Variants in ESYT1 observed in about 807,000 individuals in gnomAD.
ESYT1 encodes the protein extended synaptotagmin-1.
Under a neutral mutation model 154.2 loss-of-function variants are expected in ESYT1, and 116 were observed. The ratio of observed to expected loss-of-function variants is 0.75; its 90% confidence interval spans 0.65 to 0.88. The LOEUF (loss-of-function observed/expected upper bound fraction) is 0.88. ESYT1 is among the 40% of genes least tolerant of loss of function. The pLI, the probability that ESYT1 is intolerant of heterozygous loss-of-function variation, is 0.00. For missense variants in ESYT1, 1,264 were observed against 1,379.3 expected (o/e 0.92, Z 1.32); for synonymous variants, 500 against 539.9 (o/e 0.93, Z 1.02).
Position 56,144,025 on chromosome 12 carries a change from GA to G in ESYT1, c.*165del. 4 of 1,491,356 alleles carry G rather than the reference GA, an allele frequency of 2.7e-6. No homozygotes were observed. In the South Asian group the frequency reaches 3.9e-5, roughly 15 times the overall value. 92.4% of individuals were successfully genotyped at this position (1,491,356 alleles called of 1,614,324 possible). ...ATTCGGGCCTTTGCCTGACCAAAGA[GA>G]AGAACCGTATGTTCCCTTTACTGCA... On this transcript the variant is annotated 3_prime_UTR_variant, in exon 31 of 31. Transcript: ENST00000394048.
chr12:56,130,470 G>T (rs2136868486), intron 1 of ESYT1, 112 bp from the exon 2 acceptor site: 5 of 1,319,824 alleles, frequency 3.8e-6, no homozygotes, highest in Non-Finnish European at 5.5e-6. Flanking sequence ...CACCCTGAGT[G>T]TGAGGAGTCA....
rs201730784 is a variant in ESYT1, at chr12:56,137,483, C to G, written c.1939-16C>G. On this transcript the variant is annotated splice_polypyrimidine_tract_variant and intron_variant, in intron 17 of 30. Transcript: ENST00000394048. ...CTCTCCCTTTGCCATCTGGCACCCC[C>G]CCGTCCCTTTTGCAGCATGTGCTTC... is the stretch of plus-strand genomic sequence containing the variant. The G allele has an allele frequency of 1.1e-5, 18 of 1,610,090 alleles. No homozygotes were observed. The Admixed American group carries it at 2.0e-4, about 18-fold the overall frequency.
chr12:56,133,710 G>C, intron 12 of ESYT1, 36 bp downstream of exon 12: 1 of 1,613,378 alleles, frequency 6.2e-7, no homozygotes. Context: ...TGGCAGGGGA[G>C]AAATAGGTAG....
chr12:56,140,129 A>G (rs1870630934), intron 24 of ESYT1, among the ~76,000 whole-genome samples: 1 of 152,028 alleles, frequency 6.6e-6, no homozygotes, highest in South Asian at 2.1e-4. Context: ...CGGCATCCCA[A>G]AGTGCTGGGA....
At chr12:56,128,753 C>T in intron 1 of ESYT1, 44 bp downstream of exon 1, 1 of 1,606,194 alleles carries the variant, frequency 6.2e-7, no homozygotes, top group East Asian at 2.2e-5. Context: ...AGCCCCCTTC[C>T]ACCCCTTCCA....
chr12:56,131,618 G>A lies in ESYT1; in HGVS notation c.804+52G>A, dbSNP rs781343599. The A allele has an allele frequency of 1.5e-5, 24 of 1,607,170 alleles. No homozygotes were observed. The South Asian group carries it at 2.3e-4, about 15-fold the overall frequency. On this transcript the variant is annotated intron_variant, in intron 6 of 30. Coordinates refer to ENST00000394048, the MANE Select transcript of ESYT1 (RefSeq NM_015292.3). The stretch of plus-strand genomic sequence containing the variant: ...GGGAAGCAGGAGAAACAGAGGACTG[G>A]GAGGATGAGGGCAGCCAGTGAAGGG...
rs757366979 is a variant in ESYT1, at chr12:56,132,558, T to C, written c.1122T>C (p.Ile374=). The change falls in exon 9 of 31, where the codon ATT becomes ATC. Residue 374 remains isoleucine, a synonymous_variant. Transcript: ENST00000394048. ...LGTQTFCSRV[I]DEELNPQWGE... is the part of the protein sequence containing the mutation. The stretch of plus-strand genomic sequence containing the variant: ...CCCAGACATTCTGCAGTCGTGTCAT[T>C]GATGAAGAACTCAACCCACAGTGGG... 3 of 1,614,018 alleles carry C rather than the reference T, an allele frequency of 1.9e-6. No individual in the cohort carries two copies. In the African/African-American group the frequency reaches 4.0e-5, roughly 22 times the overall value.
rs1870199505 is a variant in ESYT1, at chr12:56,130,772, C to T, written c.433-19C>T. The T allele has an allele frequency of 6.2e-7, 1 of 1,613,512 alleles. No homozygotes were observed. The highest frequency in any genetic ancestry group is 1.1e-5 in the South Asian group (1 of 91,038). On this transcript the variant is annotated intron_variant, in intron 2 of 30. Coordinates refer to ENST00000394048, the MANE Select transcript of ESYT1 (RefSeq NM_015292.3). ...AGGGAAGACTGGACTCTCCTCTGAC[C>T]ATCTCTCTTTCCTCCCAGATTGTGG...
chr12:56,143,692 G>T (rs1870808337), intron 30 of ESYT1, 63 bp downstream of exon 30: 1 of 1,610,526 alleles, frequency 6.2e-7, no homozygotes, highest in African/African-American at 1.3e-5. Context: ...CCAATCACAG[G>T]AAAGGAAAAA....
At chr12:56,132,081 C>G in intron 7 of ESYT1, 128 bp from the exon 8 acceptor site, 1 of 1,421,580 alleles carries the variant, frequency 7.0e-7, no homozygotes, top group South Asian at 1.2e-5. Context: ...AGAAGAGTAG[C>G]ACAAAGGATT....
chr12:56,137,019 CA>C, intron 16 of ESYT1, 126 bp downstream of exon 16: 1 of 1,333,462 alleles, frequency 7.5e-7, no homozygotes, highest in Non-Finnish European at 1.0e-6. Flanking sequence ...CAAGCAGGCA[CA>C]AAAACATATA....
intron 1 of ESYT1, chr12:56,130,334 A>C (rs1592243900): frequency 1.8e-6 from 1 of 568,170 alleles, no homozygotes; most frequent in Non-Finnish European, 3.2e-6. Flanking sequence ...CTGTCATTTC[A>C]CCACGTCCCT....
Position 56,142,527 on chromosome 12 carries a change from A to G in ESYT1, c.2734-51A>G. On this transcript the variant is annotated intron_variant, in intron 25 of 30. Coordinates refer to ENST00000394048, the MANE Select transcript of ESYT1 (RefSeq NM_015292.3). This position sits in a 1 kb window ranked among gnomAD's most constrained non-coding sequence, Gnocchi z 4.1. ...TGGGAACAGAGGGCCGTGTCCTTAG[A>G]GTGAGGGAACTGAGAGAACTCTGCC... 1 of 1,613,366 alleles carries G rather than the reference A, an allele frequency of 6.2e-7. No homozygotes were observed. Among genetic ancestry groups the G allele is most frequent in the South Asian group, 1.1e-5 (1 of 90,972 alleles).
chr12:56,132,839 G>A (rs1870295745), intron 10 of ESYT1, 38 bp downstream of exon 10: 1 of 1,582,834 alleles, frequency 6.3e-7, no homozygotes, highest in Non-Finnish European at 8.7e-7. Context: ...AGCCCATGCT[G>A]GCCAGGCACG....
rs76636297 is a variant in ESYT1 at position 56,141,117 on chromosome 12, C to T, written c.2593-1168C>T. Among the ~76,000 whole-genome samples the T allele has an allele frequency of 6.2e-3, 946 of 152,182 alleles. 8 individuals are homozygous for T. The highest frequency in any genetic ancestry group is 0.022 in the African/African-American group (916 of 41,528). ...GTCATGGGTGAGATCTCTTAGGCAG[C>T]GTGGAGAGTGAGGAGACAAAAGATG... is the stretch of plus-strand genomic sequence containing the variant. On this transcript the variant is annotated intron_variant, in intron 24 of 30. Transcript: ENST00000394048.
At chr12:56,130,157 G>A (rs1870173402) in intron 1 of ESYT1, among the ~76,000 whole-genome samples, 1 of 151,984 alleles carries the variant, frequency 6.6e-6, no homozygotes, top group African/African-American at 2.4e-5. Flanking sequence ...GTGATCCGCC[G>A]GCCTCGGCCT....
chr12:56,136,662 G>T (rs1408360746), intron 15 of ESYT1, 82 bp from the exon 16 acceptor site: 10 of 1,247,084 alleles, frequency 8.0e-6, no homozygotes, highest in Non-Finnish European at 1.1e-5. Flanking sequence ...GAGGAATGAA[G>T]TTGGAGCCAT....
At position 56,134,114 on chromosome 12, in the gene ESYT1, A is replaced by G; in HGVS notation, c.1478A>G (p.Lys493Arg). ...YLDRAQDLPL[K>R]KGNKEPNPMV... Reference sequence around the variant, plus strand: ...TCTGAATTGTACCCACCACAGCTGAAGAAGGGGAACAAGGAACCCAACCCT... The same window carrying G: ...TCTGAATTGTACCCACCACAGCTGAGGAAGGGGAACAAGGAACCCAACCCT... The change falls in exon 14 of 31, where the codon AAG (lysine) becomes AGG (arginine). Residue 493 changes from lysine to arginine, a missense_variant. Lys to Arg is a conservative substitution (Grantham distance 26). Coordinates refer to ENST00000394048, the MANE Select transcript of ESYT1 (RefSeq NM_015292.3). 6.2e-7 allele frequency: 1 copy of G among 1,614,138 alleles called. No individual in the cohort carries two copies. Among genetic ancestry groups the G allele is most frequent in the African/African-American group, 1.3e-5 (1 of 75,036 alleles).
chr12:56,134,093 A>T lies in ESYT1; in HGVS notation c.1474-17A>T. On this transcript the variant is annotated splice_polypyrimidine_tract_variant and intron_variant, in intron 13 of 30. Coordinates refer to ENST00000394048, the MANE Select transcript of ESYT1 (RefSeq NM_015292.3). The stretch of plus-strand genomic sequence containing the variant: ...GAATCCCCCAAGATGGTGACCTCTG[A>T]ATTGTACCCACCACAGCTGAAGAAG... 1.9e-6 allele frequency: 3 copies of T among 1,613,920 alleles called. No homozygotes were observed. In the African/African-American group the frequency reaches 4.0e-5, roughly 22 times the overall value.
Sources: allele counts gnomAD v4.1 joint callset (sites outside exome capture counted in the v4.1 genomes callset), GRCh38; gene constraint gnomAD v4.1.1; non-coding constraint Gnocchi (gnomAD v3.1); transcripts MANE v1.5; gene names NCBI Gene and HGNC (gene_info 2026-07-23, HGNC 2026-07-21).